The following PCDHA6 variants were observed in gnomAD, a reference collection of about 807,000 sequenced individuals.
PCDHA6 encodes the protein protocadherin alpha 6, also known as protocadherin alpha-6.
PCDHA6 carries 55 observed loss-of-function variants against 60.3 expected under a neutral mutation model. The observed-to-expected ratio is 0.91, with a 90% CI of 0.73 to 1.14. The LOEUF is 1.14. PCDHA6 is among the 50% of genes most tolerant of loss of function. The pLI is 0.00. For synonymous variants in PCDHA6, 652 were observed against 557.9 expected (o/e 1.17, Z -2.38); for missense variants, 1,327 against 1,256.5 (o/e 1.06, Z -0.85).
intron 1 of PCDHA6, among the ~76,000 whole-genome samples, chr5:140,932,902 T>C (rs1276238248): frequency 6.6e-6 from 1 of 152,002 alleles, no homozygotes; most frequent in Non-Finnish European, 1.5e-5. Context: ...AGGGAAACAA[T>C]AATATTTCAA....
At chr5:140,922,144 A>C (rs906517842) in intron 1 of PCDHA6, among the ~76,000 whole-genome samples, 5 of 151,922 alleles carry the variant, frequency 3.3e-5, no homozygotes, top group African/African-American at 1.2e-4. Flanking sequence ...TCCTCCATGA[A>C]ACTCATCAAA....
chr5:140,862,406 T>C, intron 1 of PCDHA6: 1 of 350,092 alleles, frequency 2.9e-6, no homozygotes, highest in Non-Finnish European at 5.6e-6. Flanking sequence ...GTGTCTACCT[T>C]CAAAAGGCGC....
At position 140,851,979 on chromosome 5, in the gene PCDHA6, G is replaced by A. The variant is rs117939942; in HGVS notation, c.2394+21494G>A. 36 of 976,672 alleles carry A rather than the reference G, an allele frequency of 3.7e-5. No individual in the cohort carries two copies. In the East Asian group the frequency reaches 3.7e-3, roughly 102 times the overall value. 60.5% of individuals were successfully genotyped at this position (976,672 alleles called of 1,614,324 possible). ...GGTGGTTTTCCACACTCTACCTTTA[G>A]TGCAAGCTATTTGTTTGTTTTCTAA... On this transcript the variant is annotated intron_variant, in intron 1 of 3. Coordinates refer to ENST00000529310, the MANE Select transcript of PCDHA6 (RefSeq NM_018909.4).
At chr5:140,980,278 GA>G (rs1351425532) in intron 2 of PCDHA6, among the ~76,000 whole-genome samples, 1 of 152,166 alleles carries the variant, frequency 6.6e-6, no homozygotes, top group Non-Finnish European at 1.5e-5. Flanking sequence ...ACCAACTCTT[GA>G]AAAGTACCAA....
chr5:140,862,898 CTG>C, intron 1 of PCDHA6: 2 of 555,934 alleles, frequency 3.6e-6, no homozygotes, highest in Non-Finnish European at 3.5e-6. Context: ...ACAACTTTGT[CTG>C]CGCTGCTGGC....
At chr5:140,843,209 G>T (rs2150355357) in intron 1 of PCDHA6, 1 of 1,595,962 alleles carries the variant, frequency 6.3e-7, no homozygotes, top group African/African-American at 1.3e-5. Flanking sequence ...GTACACGGGC[G>T]AGATCAGCAC....
At chr5:140,968,540 G>A (rs1554230842) in intron 1 of PCDHA6, 8 of 1,614,064 alleles carry the variant, frequency 5.0e-6, no homozygotes, top group Non-Finnish European at 1.7e-6. Context: ...AGCAGCCTTC[G>A]AGATGGTGCC....
At chr5:140,892,136 G>T (rs1441807118) in intron 1 of PCDHA6, among the ~76,000 whole-genome samples, 1 of 152,254 alleles carries the variant, frequency 6.6e-6, no homozygotes, top group East Asian at 1.9e-4. Flanking sequence ...TAAGCTCATG[G>T]TTTTAGCGTC....
At chr5:140,884,732 A>G in intron 1 of PCDHA6, 2 of 1,448,046 alleles carry the variant, frequency 1.4e-6, no homozygotes, top group South Asian at 1.6e-5. Flanking sequence ...TGTTTAAGAC[A>G]TCTTTCCTGC....
intron 3 of PCDHA6, chr5:140,989,128 G>T (rs2097330831): frequency 1.3e-5 from 2 of 152,178 alleles, no homozygotes; most frequent in Non-Finnish European, 2.9e-5. Flanking sequence ...AGAAAAATAA[G>T]ACACTTTATC....
chr5:140,880,318 A>G (rs2058303482), intron 1 of PCDHA6, among the ~76,000 whole-genome samples: 1 of 152,268 alleles, frequency 6.6e-6, no homozygotes, highest in Admixed American at 6.5e-5. Context: ...CAAGTAAAAA[A>G]TAAGATACTA....
Position 140,828,459 on chromosome 5 carries a change from T to C in PCDHA6, c.368T>C (p.Val123Ala), listed in dbSNP as rs1220650558. Residue 123 changes from valine to alanine, a missense_variant, in exon 1 of 4, where the codon GTG (valine) becomes GCG (alanine). Coordinates refer to ENST00000529310, the MANE Select transcript of PCDHA6 (RefSeq NM_018909.4). Reference sequence around the variant, plus strand: ...CAGGTTTTCCATGTGGACGTGGAGGTGAGGGACATTAACGACAACCCGCCC... The same window carrying C: ...CAGGTTTTCCATGTGGACGTGGAGGCGAGGGACATTAACGACAACCCGCCC... ...PLQVFHVDVE[V>A]RDINDNPPLF... 6.2e-7 allele frequency: 1 copy of C among 1,613,846 alleles called. No individual in the cohort carries two copies. The highest frequency in any genetic ancestry group is 8.5e-7 in the Non-Finnish European group (1 of 1,179,980).
chr5:140,891,311 T>C (rs563637309), intron 1 of PCDHA6, among the ~76,000 whole-genome samples: 1 of 152,216 alleles, frequency 6.6e-6, no homozygotes, highest in African/African-American at 2.4e-5. Context: ...ATTACATGAG[T>C]AAGTTCTTTG....
rs932495728 is a variant in PCDHA6, at chr5:140,945,802, C to T, written c.2395-33147C>T. ...AGATGCAGAAAAATGAAACTAGACC[C>T]TTATCTCACACTGTATACAAAAGTC... On this transcript the variant is annotated intron_variant, in intron 1 of 3. Coordinates refer to ENST00000529310, the MANE Select transcript of PCDHA6 (RefSeq NM_018909.4). Among the ~76,000 whole-genome samples the T allele has an allele frequency of 5.9e-5, 9 of 152,202 alleles. No homozygotes were observed. The East Asian group carries it at 1.7e-3, about 29-fold the overall frequency.
chr5:140,844,872 C>G (rs925437719), intron 1 of PCDHA6, among the ~76,000 whole-genome samples: 1 of 148,974 alleles, frequency 6.7e-6, no homozygotes, highest in Non-Finnish European at 1.5e-5. Flanking sequence ...TATTAAATAC[C>G]CATTAGACTT....
At chr5:140,832,953 T>C (rs2150205519) in intron 1 of PCDHA6, among the ~76,000 whole-genome samples, 88,791 of 151,994 alleles carry the variant, frequency 0.58, 26,721 homozygotes, top group African/African-American at 0.73. Context: ...TAAGTGAGTA[T>C]ACAGAAAATT....
chr5:140,828,590 A>G lies in PCDHA6; in HGVS notation c.499A>G (p.Ile167Val), dbSNP rs1562298438. The G allele has an allele frequency of 3.1e-6, 5 of 1,614,240 alleles. No individual in the cohort carries two copies. The highest frequency in any genetic ancestry group is 4.2e-6 in the Non-Finnish European group (5 of 1,180,048). Residue 167 changes from isoleucine to valine, a missense_variant, in exon 1 of 4, where the codon ATC (isoleucine) becomes GTC (valine). Transcript: ENST00000529310. ...ASDADVGSNS[I>V]LTYKLSSSEY... ...CGATGCAGATGTTGGCTCAAATTCC[A>G]TCTTAACCTATAAACTCAGTTCTAG...
At chr5:140,969,249 ACAG>A in intron 1 of PCDHA6, 1 of 1,614,240 alleles carries the variant, frequency 6.2e-7, no homozygotes, top group Non-Finnish European at 8.5e-7. Flanking sequence ...GCAGTGACTG[ACAG>A]CAGGAATCTC....
intron 1 of PCDHA6, among the ~76,000 whole-genome samples, chr5:140,922,406 G>C (rs1411149387): frequency 9.8e-5 from 15 of 152,288 alleles, no homozygotes; most frequent in African/African-American, 3.6e-4. Flanking sequence ...GGATTAAAAA[G>C]ATCTAGGTAC....
Sources: allele counts gnomAD v4.1 joint callset (sites outside exome capture counted in the v4.1 genomes callset), GRCh38; gene constraint gnomAD v4.1.1; transcripts MANE v1.5; gene names NCBI Gene and HGNC (gene_info 2026-07-23, HGNC 2026-07-21).